MYO10: variants seen among roughly 807,000 people sequenced by gnomAD.
The protein encoded by MYO10 is myosin X, also known as unconventional myosin-X.
A neutral mutation model predicts 257.3 loss-of-function variants in MYO10; 133 were observed. The observed-to-expected ratio is 0.52, with a 90% CI of 0.45 to 0.60. The LOEUF (loss-of-function observed/expected upper bound fraction) is 0.60. Among genes scored for constraint, MYO10 ranks in the 20% least tolerant of loss-of-function variants. The pLI is 0.00. For missense variants in MYO10, 2,399 were observed against 2,635.7 expected (o/e 0.91, Z 1.97); for synonymous variants, 1,104 against 1,028.6 (o/e 1.07, Z -1.40).
Position 16,792,128 on chromosome 5 carries a change from C to G in MYO10, c.467+2518G>C, listed in dbSNP as rs145154496. On this transcript the variant is annotated intron_variant, in intron 4 of 40. Coordinates refer to ENST00000513610, the MANE Select transcript of MYO10 (RefSeq NM_012334.3). ...ACATACATACACACACACACACACA[C>G]ACACAGAGAGAGAGAGAGAGAGAGA... 7.0e-3 allele frequency among the ~76,000 whole-genome samples: 970 copies of G among 137,680 alleles called. 9 individuals are homozygous for G. The highest frequency in any genetic ancestry group is 0.023 in the African/African-American group (799 of 34,696). The allele number at this position is 137,680 out of a possible 152,430, so 90.3% of individuals were successfully genotyped here. A position where few individuals can be genotyped will look rare whatever the true frequency, so the allele number is the denominator to read the frequency against.
At chr5:16,915,019 G>A (rs1745775367) in intron 1 of MYO10, among the ~76,000 whole-genome samples, 1 of 152,188 alleles carries the variant, frequency 6.6e-6, no homozygotes, top group Non-Finnish European at 1.5e-5. Context: ...AAAGGCTCTG[G>A]ATTCATGAAC....
At chr5:16,789,078 G>A (rs1001165311) in intron 4 of MYO10, among the ~76,000 whole-genome samples, 1 of 152,180 alleles carries the variant, frequency 6.6e-6, no homozygotes, top group Admixed American at 6.5e-5. Context: ...CACACATCAA[G>A]GCTGGCAGTT....
chr5:16,842,030 G>C (rs1220799616), intron 2 of MYO10, among the ~76,000 whole-genome samples: 1 of 151,240 alleles, frequency 6.6e-6, no homozygotes, highest in African/African-American at 2.4e-5. Context: ...GTGGGGGTGG[G>C]GGCAGTTCCA....
chr5:16,879,150 G>C (rs1033680409), intron 1 of MYO10, among the ~76,000 whole-genome samples: 1 of 152,134 alleles, frequency 6.6e-6, no homozygotes, highest in Non-Finnish European at 1.5e-5. Context: ...ATGTATTCAA[G>C]TGGAAATAGA....
chr5:16,886,540 T>G (rs1744902141), intron 1 of MYO10, among the ~76,000 whole-genome samples: 1 of 152,182 alleles, frequency 6.6e-6, no homozygotes, highest in Admixed American at 6.5e-5. Flanking sequence ...TGCTCTACAT[T>G]TTTTGAAGGA....
Position 16,784,527 on chromosome 5 carries a change from C to T in MYO10, c.468-1058G>A, listed in dbSNP as rs181558471. ...CATGAGAGAGACTTGAACGGAGAAA[C>T]CCCATCCATCTGGCATATGGCACCA... is the stretch of plus-strand genomic sequence containing the variant. On this transcript the variant is annotated intron_variant, in intron 4 of 40. Coordinates refer to ENST00000513610, the MANE Select transcript of MYO10 (RefSeq NM_012334.3). 3.6e-3 allele frequency among the ~76,000 whole-genome samples: 553 copies of T among 152,296 alleles called. 7 individuals are homozygous for T. Among genetic ancestry groups the T allele is most frequent in the Non-Finnish European group, 2.6e-3 (176 of 68,014 alleles).
chr5:16,773,710 CA>C (rs1250623623), intron 9 of MYO10, among the ~76,000 whole-genome samples: 123 of 149,392 alleles, frequency 8.2e-4, no homozygotes, highest in African/African-American at 2.8e-3. Context: ...TTCTAACTGC[CA>C]AATAAAAAAT....
chr5:16,822,764 C>T (rs1047317713), intron 2 of MYO10, among the ~76,000 whole-genome samples: 26 of 151,506 alleles, frequency 1.7e-4, no homozygotes, highest in Non-Finnish European at 2.2e-4. Context: ...CTCGGCTCAC[C>T]GCAAGCTCCG....
At chr5:16,878,763 T>C (rs141796003) in intron 1 of MYO10, among the ~76,000 whole-genome samples, 98 of 152,208 alleles carry the variant, frequency 6.4e-4, no homozygotes, top group African/African-American at 1.4e-3. Context: ...TTCTCGCTTA[T>C]AAGTGGGAGC....
chr5:16,677,171 G>A (rs1343312354), intron 33 of MYO10, among the ~76,000 whole-genome samples: 3 of 152,104 alleles, frequency 2.0e-5, no homozygotes, highest in African/African-American at 7.2e-5. Context: ...AAAAGTTGGA[G>A]GAGAGGTAAT....
chr5:16,834,785 T>A (rs1743262421), intron 2 of MYO10, among the ~76,000 whole-genome samples: 1 of 152,232 alleles, frequency 6.6e-6, no homozygotes. Flanking sequence ...CTCTTAGTTT[T>A]AAACAAAAAT....
chr5:16,890,764 C>T (rs1299409836), intron 1 of MYO10, among the ~76,000 whole-genome samples: 5 of 151,720 alleles, frequency 3.3e-5, no homozygotes, highest in South Asian at 2.1e-4. Flanking sequence ...CACTTGAACC[C>T]GAGAAGCAGA....
intron 3 of MYO10, among the ~76,000 whole-genome samples, chr5:16,803,773 T>C (rs913062393): frequency 1.3e-5 from 2 of 152,178 alleles, no homozygotes; most frequent in African/African-American, 4.8e-5. Context: ...TTCTTAAGAT[T>C]ATAGAAAATT....
chr5:16,798,272 A>G (rs892294174), intron 3 of MYO10, among the ~76,000 whole-genome samples: 4 of 152,190 alleles, frequency 2.6e-5, no homozygotes, highest in African/African-American at 4.8e-5. Flanking sequence ...TTGGTTGTAC[A>G]GCATTGTGAA....
At chr5:16,761,967 A>T in intron 16 of MYO10, 78 bp downstream of exon 16, 1 of 1,394,032 alleles carries the variant, frequency 7.2e-7, no homozygotes, top group Non-Finnish European at 9.6e-7. Context: ...CAATAAATTC[A>T]TGATTGGCTT....
chr5:16,912,814 A>G (rs1009819374), intron 1 of MYO10, among the ~76,000 whole-genome samples: 3 of 143,096 alleles, frequency 2.1e-5, no homozygotes, highest in Admixed American at 6.9e-5. Flanking sequence ...ACACACACAC[A>G]CACACACACA....
At chr5:16,745,428 G>A (rs993863345) in intron 19 of MYO10, among the ~76,000 whole-genome samples, 2 of 152,174 alleles carry the variant, frequency 1.3e-5, no homozygotes, top group African/African-American at 4.8e-5. Context: ...AGTCACATCT[G>A]TAATCCCAGC....
chr5:16,762,007 A>G, intron 16 of MYO10, 38 bp downstream of exon 16: 1 of 1,486,660 alleles, frequency 6.7e-7, no homozygotes, highest in South Asian at 1.4e-5. Flanking sequence ...TGAATACCAA[A>G]CAGGCAAATA....
At position 16,806,131 on chromosome 5, in the gene MYO10, G is replaced by A. The variant is rs141147489; in HGVS notation, c.280-11298C>T. 5.4e-3 allele frequency among the ~76,000 whole-genome samples: 814 copies of A among 151,206 alleles called. 9 individuals are homozygous for A. Among genetic ancestry groups the A allele is most frequent in the African/African-American group, 0.018 (759 of 41,158 alleles). On this transcript the variant is annotated intron_variant, in intron 3 of 40. Transcript: ENST00000513610. ...AGGCTGAGGCAGGTGGGTCATTTGA[G>A]GTCAGGAGTTTGAGACCAGCCTGGC... is the stretch of plus-strand genomic sequence containing the variant.
Sources: allele counts gnomAD v4.1 joint callset (sites outside exome capture counted in the v4.1 genomes callset), GRCh38; gene constraint gnomAD v4.1.1; transcripts MANE v1.5; gene names NCBI Gene and HGNC (gene_info 2026-07-23, HGNC 2026-07-21).